SEPTIN14: variants seen among roughly 807,000 people sequenced by gnomAD.
SEPTIN14 encodes septin-14.
SEPTIN14 carries 40 observed loss-of-function variants against 53.6 expected under a neutral mutation model. The ratio of observed to expected loss-of-function variants is 0.75; its 90% CI spans 0.58 to 0.97. The LOEUF (loss-of-function observed/expected upper bound fraction) is 0.97. SEPTIN14 is among the 50% of genes least tolerant of loss of function. The pLI is 0.00. For synonymous variants in SEPTIN14, 138 were observed against 166.8 expected (o/e 0.83, Z 1.33); for missense variants, 471 against 508.2 (o/e 0.93, Z 0.70).
chr7:55,815,988 A>G (rs769514186), intron 7 of SEPTIN14, among the ~76,000 whole-genome samples: 10 of 152,250 alleles, frequency 6.6e-5, no homozygotes, highest in Non-Finnish European at 1.3e-4. Flanking sequence ...TAAATGTGGT[A>G]CATATACATG....
intron 2 of SEPTIN14, among the ~76,000 whole-genome samples, chr7:55,851,082 A>C (rs1253706240): frequency 6.6e-6 from 1 of 151,956 alleles, no homozygotes; most frequent in Admixed American, 6.6e-5. Flanking sequence ...TTGTCTCACA[A>C]AAAAAAAGCA....
At chr7:55,837,588 A>T (rs1562715711) in intron 5 of SEPTIN14, among the ~76,000 whole-genome samples, 3 of 146,352 alleles carry the variant, frequency 2.0e-5, no homozygotes, top group South Asian at 4.3e-4. Flanking sequence ...TTTTTTATTT[A>T]TTTTTTTTTT....
intron 2 of SEPTIN14, among the ~76,000 whole-genome samples, chr7:55,859,513 TA>T (rs1789706276): frequency 6.6e-6 from 1 of 152,214 alleles, no homozygotes; most frequent in Non-Finnish European, 1.5e-5. Context: ...AGCTTTGTAA[TA>T]TAATTTTAAA....
Position 55,846,549 on chromosome 7 carries a change from C to T in SEPTIN14, c.143G>A (p.Arg48Gln), listed in dbSNP as rs201042996. Residue 48 changes from arginine to glutamine, a missense_variant, in exon 3 of 10, where the codon CGA becomes CAA. Transcript: ENST00000388975. ...LPNQLVSRSI[R>Q]QGFTFNILCV... ...GAGAATATTAAAAGTGAATCCTTGT[C>T]GGATAGATCTGCTCACCAACTGATT... 19 of 1,596,272 alleles carry T rather than the reference C, an allele frequency of 1.2e-5. No homozygotes were observed. Among genetic ancestry groups the T allele is most frequent in the African/African-American group, 9.4e-5 (7 of 74,170 alleles).
intron 7 of SEPTIN14, among the ~76,000 whole-genome samples, chr7:55,815,515 T>G (rs187204859): frequency 6.6e-6 from 1 of 152,308 alleles, no homozygotes; most frequent in African/African-American, 2.4e-5. Flanking sequence ...TCTTTTGTCT[T>G]ATTGATAATA....
intron 9 of SEPTIN14, among the ~76,000 whole-genome samples, chr7:55,803,800 T>C (rs1788562693): frequency 6.6e-6 from 1 of 151,920 alleles, no homozygotes; most frequent in African/African-American, 2.4e-5. Flanking sequence ...AATGGTTGCT[T>C]CGGTTTCTGG....
chr7:55,844,097 A>G (rs975016312), intron 4 of SEPTIN14, among the ~76,000 whole-genome samples: 35 of 152,180 alleles, frequency 2.3e-4, no homozygotes, highest in Admixed American at 1.1e-3. Flanking sequence ...AGCTTGTGCC[A>G]CTGCACTCCA....
At chr7:55,836,826 C>G (rs1396057249) in intron 5 of SEPTIN14, among the ~76,000 whole-genome samples, 1 of 152,144 alleles carries the variant, frequency 6.6e-6, no homozygotes, top group East Asian at 1.9e-4. Context: ...CTTAATTTAA[C>G]TAGAAATCTA....
At chr7:55,861,501 CAAAAAAAA>C (rs147508733) in intron 2 of SEPTIN14, among the ~76,000 whole-genome samples, 1 of 95,246 alleles carries the variant, frequency 1.0e-5, no homozygotes, top group Non-Finnish European at 2.1e-5. Flanking sequence ...GACTCAGTCT[CAAAAAAAA>C]AAAAAAAACT....
chr7:55,851,813 C>T (rs752381116), intron 2 of SEPTIN14, among the ~76,000 whole-genome samples: 19 of 151,846 alleles, frequency 1.3e-4, no homozygotes, highest in Admixed American at 9.2e-4. Flanking sequence ...TCAAGACCAA[C>T]CTGGCTAACA....
At chr7:55,841,578 G>A (rs897649955) in intron 5 of SEPTIN14, among the ~76,000 whole-genome samples, 9 of 152,128 alleles carry the variant, frequency 5.9e-5, no homozygotes, top group East Asian at 3.9e-4. Flanking sequence ...AAATTAGGCC[G>A]AGCACAGTGG....
chr7:55,798,602 AAGG>A (rs747414779), intron 9 of SEPTIN14: 7 of 383,126 alleles, frequency 1.8e-5, no homozygotes, highest in African/African-American at 2.1e-5. Context: ...CAAATGGGAC[AAGG>A]ACCACATCCG....
chr7:55,826,338 G>A (rs1411722632), intron 6 of SEPTIN14, among the ~76,000 whole-genome samples: 3 of 152,168 alleles, frequency 2.0e-5, no homozygotes, highest in Admixed American at 6.5e-5. Context: ...AATTTTGAAA[G>A]CAGCAAGAGA....
At chr7:55,807,058 C>A (rs772728654) in intron 8 of SEPTIN14, 32 bp downstream of exon 8, 14 of 1,496,866 alleles carry the variant, frequency 9.4e-6, no homozygotes, top group African/African-American at 1.4e-5. Flanking sequence ...CTAAATTATC[C>A]ATTTGGTTGT....
intron 9 of SEPTIN14, among the ~76,000 whole-genome samples, chr7:55,796,902 A>G (rs1050013053): frequency 2.0e-5 from 3 of 152,082 alleles, no homozygotes; most frequent in Non-Finnish European, 2.9e-5. Context: ...AGGCAGGCAG[A>G]TCACAAGGTC....
At chr7:55,823,888 C>CTTT (rs34934744) in intron 6 of SEPTIN14, among the ~76,000 whole-genome samples, 1 of 134,364 alleles carries the variant, frequency 7.4e-6, no homozygotes. Context: ...AAGGTAAATT[C>CTTT]TTTTTTTTTT....
intron 6 of SEPTIN14, among the ~76,000 whole-genome samples, chr7:55,826,375 G>T (rs1283693334): frequency 6.6e-6 from 1 of 152,294 alleles, no homozygotes; most frequent in East Asian, 1.9e-4. Context: ...TATAAGGGAG[G>T]CTGCGTAAGA....
chr7:55,853,011 T>A (rs1020276346), intron 2 of SEPTIN14, among the ~76,000 whole-genome samples: 8 of 152,108 alleles, frequency 5.3e-5, no homozygotes, highest in African/African-American at 1.2e-4. Flanking sequence ...TGAGTTAAAG[T>A]GGTTTTTACC....
At chr7:55,799,894 A>C (rs1250384258) in intron 9 of SEPTIN14, among the ~76,000 whole-genome samples, 1 of 151,930 alleles carries the variant, frequency 6.6e-6, no homozygotes, top group Non-Finnish European at 1.5e-5. Flanking sequence ...TAGACCAAAT[A>C]GGCATAGATA....
Sources: allele counts gnomAD v4.1 joint callset (sites outside exome capture counted in the v4.1 genomes callset), GRCh38; gene constraint gnomAD v4.1.1; transcripts MANE v1.5; gene names NCBI Gene and HGNC (gene_info 2026-07-23, HGNC 2026-07-21).